Variants in TMEM132D observed in about 807,000 individuals in gnomAD.
TMEM132D encodes the protein mature OL transmembrane protein.
A neutral mutation model predicts 62.3 loss-of-function variants in TMEM132D; 21 were observed. The ratio of observed to expected loss-of-function variants is 0.34; its 90% CI spans 0.24 to 0.49. TMEM132D has a LOEUF of 0.49. Among genes scored for constraint, TMEM132D ranks in the 20% least tolerant of loss-of-function variants. TMEM132D has a pLI of 0.99. For synonymous variants in TMEM132D, 621 were observed against 575.6 expected, an observed-to-expected ratio of 1.08 and a Z score of -1.13; for missense variants, 1,346 against 1,402.8, an observed-to-expected ratio of 0.96 and a Z score of 0.65.
Position 129,700,522 on chromosome 12 carries a change from T to C in TMEM132D, c.256A>G (p.Lys86Glu), listed in dbSNP as rs1881361542. 1 of 1,614,010 alleles carries C rather than the reference T, an allele frequency of 6.2e-7. No individual in the cohort carries two copies. The highest frequency in any genetic ancestry group is 1.3e-5 in the African/African-American group (1 of 74,904). Residue 86 changes from lysine (K) to glutamate (E), a missense_variant, in exon 2 of 9, where the codon AAA (lysine) becomes GAA (glutamate). By Grantham distance (56) the Lys-to-Glu change is moderately conservative. Transcript: ENST00000422113. ...QSRVESFLIY[K>E]SRRLPVLNAS... ...TTGAGGACAGGCAGCCTCCTGGATTTGTAAATCAGAAATGACTCCACCCGG... is the reference window on the plus strand; with the variant it reads ...TTGAGGACAGGCAGCCTCCTGGATTCGTAAATCAGAAATGACTCCACCCGG...
intron 2 of TMEM132D, among the ~76,000 whole-genome samples, chr12:129,667,061 G>A (rs1187530769): frequency 1.3e-5 from 2 of 152,100 alleles, no homozygotes; most frequent in Admixed American, 6.6e-5. Context: ...AATTATTTAG[G>A]TTTTTTCCAT....
At chr12:129,084,726 G>T (rs1399158942) in intron 5 of TMEM132D, 24 bp from the exon 6 acceptor site, 4 of 1,610,842 alleles carry the variant, frequency 2.5e-6, no homozygotes, top group Non-Finnish European at 3.4e-6. Context: ...AGAGAGAAAA[G>T]GGGAGGGAAA....
chr12:129,087,854 C>G (rs1484820553), intron 5 of TMEM132D, among the ~76,000 whole-genome samples: 1 of 149,394 alleles, frequency 6.7e-6, no homozygotes, highest in Non-Finnish European at 1.5e-5. Flanking sequence ...CGCAGAGCCC[C>G]GGGGTGTCCT....
intron 2 of TMEM132D, among the ~76,000 whole-genome samples, chr12:129,572,664 G>T (rs1051283609): frequency 6.6e-6 from 1 of 152,062 alleles, no homozygotes; most frequent in Non-Finnish European, 1.5e-5. Context: ...GGTCAGGCTG[G>T]TCTTGAACTC....
At chr12:129,424,539 C>T (rs144556091) in intron 3 of TMEM132D, among the ~76,000 whole-genome samples, 3 of 151,800 alleles carry the variant, frequency 2.0e-5, no homozygotes, top group African/African-American at 7.3e-5. Context: ...TCTCTACTCT[C>T]TATTAAAAAT....
At chr12:129,809,979 A>C (rs1322785364) in intron 1 of TMEM132D, among the ~76,000 whole-genome samples, 1 of 152,224 alleles carries the variant, frequency 6.6e-6, no homozygotes, top group Non-Finnish European at 1.5e-5. Context: ...AATTGTAACA[A>C]GCTATCAAGG....
chr12:129,208,115 T>C (rs1878910708), intron 5 of TMEM132D, among the ~76,000 whole-genome samples: 1 of 150,780 alleles, frequency 6.6e-6, no homozygotes, highest in African/African-American at 2.4e-5. Flanking sequence ...TAAAGAGGGG[T>C]TATGGGAGAG....
At chr12:129,881,546 A>G (rs535929409) in intron 1 of TMEM132D, among the ~76,000 whole-genome samples, 1 of 152,104 alleles carries the variant, frequency 6.6e-6, no homozygotes, top group Non-Finnish European at 1.5e-5. Flanking sequence ...TCAGAAAGGT[A>G]TCTAGAAAAT....
At chr12:129,219,620 GC>G (rs374161338) in intron 4 of TMEM132D, among the ~76,000 whole-genome samples, 83 of 152,312 alleles carry the variant, frequency 5.4e-4, no homozygotes, top group African/African-American at 1.9e-3. Flanking sequence ...TGAAAAGGGG[GC>G]ACACCTGGGC....
At chr12:129,896,615 T>C (rs1875144543) in intron 1 of TMEM132D, among the ~76,000 whole-genome samples, 1 of 152,126 alleles carries the variant, frequency 6.6e-6, no homozygotes, top group African/African-American at 2.4e-5. Context: ...AACATAAACA[T>C]TTAATGTCAC....
intron 2 of TMEM132D, among the ~76,000 whole-genome samples, chr12:129,630,770 A>C (rs956332157): frequency 6.6e-6 from 1 of 152,152 alleles, no homozygotes; most frequent in African/African-American, 2.4e-5. Flanking sequence ...AACTTGTGTC[A>C]TGAGGATTTA....
At chr12:129,352,592 T>G (rs550451846) in intron 3 of TMEM132D, among the ~76,000 whole-genome samples, 2 of 152,050 alleles carry the variant, frequency 1.3e-5, no homozygotes, top group African/African-American at 4.8e-5. Flanking sequence ...CATCAAAAAA[T>G]AGGCAAAGGA....
At chr12:129,219,787 C>T (rs1454398887) in intron 4 of TMEM132D, among the ~76,000 whole-genome samples, 1 of 152,128 alleles carries the variant, frequency 6.6e-6, no homozygotes, top group East Asian at 1.9e-4. Flanking sequence ...ATTAAGGATA[C>T]AAACATGGTG....
chr12:129,329,133 G>T (rs998036720), intron 4 of TMEM132D, among the ~76,000 whole-genome samples: 1 of 151,882 alleles, frequency 6.6e-6, no homozygotes, highest in African/African-American at 2.4e-5. Flanking sequence ...CCCAGCTCCT[G>T]CCTACCCTGA....
At chr12:129,231,290 C>G (rs1364324746) in intron 4 of TMEM132D, among the ~76,000 whole-genome samples, 1 of 152,188 alleles carries the variant, frequency 6.6e-6, no homozygotes, top group Non-Finnish European at 1.5e-5. Flanking sequence ...CAATTAACTT[C>G]CATTTGTAAC....
At chr12:129,675,062 T>G (rs2137202948) in intron 2 of TMEM132D, among the ~76,000 whole-genome samples, 1 of 152,290 alleles carries the variant, frequency 6.6e-6, no homozygotes, top group East Asian at 1.9e-4. Flanking sequence ...TAAGCTTTAC[T>G]ACCAGTAAGG....
At chr12:129,675,446 T>C (rs1295518387) in intron 2 of TMEM132D, among the ~76,000 whole-genome samples, 1 of 152,034 alleles carries the variant, frequency 6.6e-6, no homozygotes, top group Non-Finnish European at 1.5e-5. Flanking sequence ...ACCTAGATGA[T>C]GGGTTGATGG....
rs543265811 is a variant in TMEM132D, at chr12:129,474,659, G to A, written c.1115+56400C>T. 5.3e-5 allele frequency among the ~76,000 whole-genome samples: 8 copies of A among 152,294 alleles called. No homozygotes were observed. The East Asian group carries it at 9.7e-4, about 18-fold the overall frequency. On this transcript the variant is annotated intron_variant, in intron 3 of 8. Coordinates refer to ENST00000422113, the MANE Select transcript of TMEM132D (RefSeq NM_133448.3). ...GTTGACAGCTGAATATCCCATTGAC[G>A]TGGATGCTGTCATCATTAACTTATA...
At chr12:129,882,978 G>A (rs1461204740) in intron 1 of TMEM132D, among the ~76,000 whole-genome samples, 4 of 152,172 alleles carry the variant, frequency 2.6e-5, no homozygotes, top group Non-Finnish European at 4.4e-5. Flanking sequence ...GAGAAAAGAT[G>A]TATGCTCTCA....
Sources: allele counts gnomAD v4.1 joint callset (sites outside exome capture counted in the v4.1 genomes callset), GRCh38; gene constraint gnomAD v4.1.1; transcripts MANE v1.5; gene names NCBI Gene and HGNC (gene_info 2026-07-23, HGNC 2026-07-21).